PPHLN1: variants seen among roughly 807,000 people sequenced by gnomAD.
PPHLN1 encodes periphilin 1.
Under a neutral mutation model 51.3 loss-of-function variants are expected in PPHLN1, and 29 were observed. The ratio of observed to expected loss-of-function variants is 0.57; its 90% CI spans 0.42 to 0.77. The LOEUF is 0.77. Among genes scored for constraint, PPHLN1 ranks in the 30% least tolerant of loss-of-function variants. The pLI, the probability that PPHLN1 is intolerant of heterozygous loss-of-function variation, is 0.00. For synonymous variants in PPHLN1, 147 were observed against 147.8 expected (o/e 0.99, Z 0.04); for missense variants, 436 against 438.4 (o/e 0.99, Z 0.05).
intron 1 of PPHLN1, chr12:42,329,886 G>C: frequency 6.6e-6 from 1 of 152,242 alleles, no homozygotes; most frequent in Non-Finnish European, 1.5e-5. Context: ...AGAACAGTGG[G>C]CCCAGGAGAC....
intron 5 of PPHLN1, among the ~76,000 whole-genome samples, chr12:42,381,097 A>G (rs2076721956): frequency 6.6e-6 from 1 of 152,200 alleles, no homozygotes; most frequent in South Asian, 2.1e-4. Context: ...TCCCTAAAGT[A>G]TAATTTAATA....
At chr12:42,377,738 TTC>T (rs2076392884) in intron 5 of PPHLN1, among the ~76,000 whole-genome samples, 1 of 152,220 alleles carries the variant, frequency 6.6e-6, no homozygotes, top group African/African-American at 2.4e-5. Flanking sequence ...AAGCTTGAGG[TTC>T]TTACTTGAAA....
At chr12:42,393,912 G>A (rs190957775) in intron 8 of PPHLN1, among the ~76,000 whole-genome samples, 1 of 152,072 alleles carries the variant, frequency 6.6e-6, no homozygotes, top group Non-Finnish European at 1.5e-5. Context: ...TGTAAGAATA[G>A]TATAAATATG....
intron 2 of PPHLN1, among the ~76,000 whole-genome samples, chr12:42,351,080 C>T (rs2073289193): frequency 6.6e-6 from 1 of 150,864 alleles, no homozygotes; most frequent in African/African-American, 2.4e-5. Context: ...TATGTTATAT[C>T]AGGCTTTACA....
chr12:42,381,341 A>G (rs1376927020), intron 5 of PPHLN1, among the ~76,000 whole-genome samples: 1 of 152,260 alleles, frequency 6.6e-6, no homozygotes, highest in Admixed American at 6.5e-5. Context: ...ATTTTATTAT[A>G]TCCCTGTTTT....
chr12:42,428,446 T>A (rs1368913629), intron 9 of PPHLN1, among the ~76,000 whole-genome samples: 1 of 152,132 alleles, frequency 6.6e-6, no homozygotes, highest in African/African-American at 2.4e-5. Flanking sequence ...AAGGAACAAA[T>A]TAGTGGCATT....
chr12:42,365,602 T>C (rs2075184449), intron 4 of PPHLN1, among the ~76,000 whole-genome samples: 1 of 148,244 alleles, frequency 6.7e-6, no homozygotes. Flanking sequence ...CAAATAAGCA[T>C]CTAAAGTAAT....
chr12:42,367,680 ATCTTAT>A (rs1446708645), intron 4 of PPHLN1, among the ~76,000 whole-genome samples: 2 of 152,222 alleles, frequency 1.3e-5, no homozygotes, highest in South Asian at 2.1e-4. Flanking sequence ...TAGTGTGTTC[ATCTTAT>A]TCTTAGTGGT....
chr12:42,399,220 A>G (rs77581204), intron 9 of PPHLN1: 13,573 of 1,150,452 alleles, frequency 0.012, 118 homozygotes, highest in Non-Finnish European at 0.013. Flanking sequence ...TCTTTTTTAC[A>G]GAATATTAAT....
At chr12:42,328,853 G>T (rs2069202016) in intron 1 of PPHLN1, among the ~76,000 whole-genome samples, 1 of 152,048 alleles carries the variant, frequency 6.6e-6, no homozygotes, top group Non-Finnish European at 1.5e-5. Context: ...GGAATTACAG[G>T]CATGTCCCAC....
At chr12:42,357,461 A>G (rs529304300) in intron 4 of PPHLN1, among the ~76,000 whole-genome samples, 1 of 152,320 alleles carries the variant, frequency 6.6e-6, no homozygotes, top group African/African-American at 2.4e-5. Context: ...ACCTAGATAT[A>G]TCTGGAGTTT....
chr12:42,356,656 A>T (rs781421354), intron 4 of PPHLN1, among the ~76,000 whole-genome samples: 4 of 152,218 alleles, frequency 2.6e-5, no homozygotes, highest in Non-Finnish European at 5.9e-5. Flanking sequence ...GCCGAAAAAA[A>T]TGCTTTGATA....
intron 1 of PPHLN1, 107 bp downstream of exon 1, chr12:42,326,336 C>G (rs1223022709): frequency 6.6e-6 from 1 of 152,314 alleles, no homozygotes; most frequent in East Asian, 1.9e-4. Flanking sequence ...ATTCTCCTGC[C>G]TTTGAATTGT....
chr12:42,392,793 G>A (rs892060691), intron 7 of PPHLN1, among the ~76,000 whole-genome samples: 2 of 152,140 alleles, frequency 1.3e-5, no homozygotes, highest in Non-Finnish European at 2.9e-5. Flanking sequence ...TCACATCAGT[G>A]AATATGGAAA....
At chr12:42,371,480 CTT>C (rs940286682) in intron 4 of PPHLN1, among the ~76,000 whole-genome samples, 12 of 152,244 alleles carry the variant, frequency 7.9e-5, no homozygotes, top group Admixed American at 5.9e-4. Context: ...TATCATTTCT[CTT>C]TTTAAAAGTT....
intron 9 of PPHLN1, among the ~76,000 whole-genome samples, chr12:42,426,170 C>CA (rs1274203543): frequency 1.4e-4 from 15 of 105,990 alleles, no homozygotes; most frequent in African/African-American, 3.7e-4. Context: ...TTAGACTTGA[C>CA]ACCACACACA....
At chr12:42,413,741 T>G (rs988638166) in intron 9 of PPHLN1, among the ~76,000 whole-genome samples, 2 of 152,028 alleles carry the variant, frequency 1.3e-5, no homozygotes, top group Non-Finnish European at 2.9e-5. Flanking sequence ...TTTGTATTTT[T>G]AATAGAGACG....
chr12:42,332,549 A>G lies in PPHLN1; in HGVS notation c.-20-3334A>G, dbSNP rs1245155044. On this transcript the variant is annotated intron_variant, in intron 1 of 9. Transcript: ENST00000358314. ...TATTTTCAAGAGTGTGTTTGAAGCG[A>G]GTTTGGCCTGAGAGTTCTGTTTATA... 4.4e-6 allele frequency: 3 copies of G among 687,802 alleles called. No homozygotes were observed. In the East Asian group the frequency reaches 9.5e-5, roughly 22 times the overall value. 42.6% of individuals were successfully genotyped at this position (687,802 alleles called of 1,614,324 possible). A position where few individuals can be genotyped will look rare whatever the true frequency, so the allele number is the denominator to read the frequency against.
intron 1 of PPHLN1, among the ~76,000 whole-genome samples, chr12:42,330,354 C>G (rs1290017654): frequency 1.3e-5 from 2 of 152,210 alleles, no homozygotes; most frequent in African/African-American, 4.8e-5. Context: ...ACAGACCCTT[C>G]ATGGGTGTCG....
Sources: allele counts gnomAD v4.1 joint callset (sites outside exome capture counted in the v4.1 genomes callset), GRCh38; gene constraint gnomAD v4.1.1; transcripts MANE v1.5; gene names NCBI Gene and HGNC (gene_info 2026-07-23, HGNC 2026-07-21).